Variants in ADAMTSL1 observed in about 807,000 individuals in gnomAD.
The protein encoded by ADAMTSL1 is ADAMTS like 1.
A neutral mutation model predicts 201.8 loss-of-function variants in ADAMTSL1; 126 were observed. That is an observed-to-expected ratio of 0.62 (90% CI 0.54 to 0.72). ADAMTSL1 has a LOEUF of 0.72. Ranked by LOEUF, ADAMTSL1 falls within the 30% of genes least tolerant of loss-of-function variation. The pLI, the probability that ADAMTSL1 is intolerant of heterozygous loss-of-function variation, is 0.00. For synonymous variants in ADAMTSL1, 1,121 were observed against 903.4 expected (o/e 1.24, Z -4.32); for missense variants, 2,679 against 2,277.8 (o/e 1.18, Z -3.59).
chr9:18,069,448 T>A (rs541319518), intron 1 of ADAMTSL1, among the ~76,000 whole-genome samples: 1 of 152,328 alleles, frequency 6.6e-6, no homozygotes, highest in South Asian at 2.1e-4. Context: ...ATGCAAACAC[T>A]GAAACAAAAG....
chr9:18,546,287 A>G (rs1368727666), intron 3 of ADAMTSL1, among the ~76,000 whole-genome samples: 2 of 152,104 alleles, frequency 1.3e-5, no homozygotes, highest in African/African-American at 4.8e-5. Context: ...CACAGTGGGA[A>G]GGCTAAAGAG....
At chr9:18,876,218 G>A (rs1259078877) in intron 23 of ADAMTSL1, among the ~76,000 whole-genome samples, 1 of 151,774 alleles carries the variant, frequency 6.6e-6, no homozygotes, top group Non-Finnish European at 1.5e-5. Context: ...CTTTTAAGTG[G>A]AGCATTTAAG....
At chr9:18,702,946 G>C (rs556678489) in intron 13 of ADAMTSL1, among the ~76,000 whole-genome samples, 1 of 152,068 alleles carries the variant, frequency 6.6e-6, no homozygotes, top group African/African-American at 2.4e-5. Context: ...TATCTTTATA[G>C]AGACAGGGCT....
rs186317771 is a variant in ADAMTSL1 at position 18,643,081 on chromosome 9, G to A, written c.834+3670G>A. Among the ~76,000 whole-genome samples the A allele has an allele frequency of 5.7e-4, 86 of 151,912 alleles. 1 individual carries two copies. Among genetic ancestry groups the A allele is most frequent in the Non-Finnish European group, 9.1e-4 (62 of 67,866 alleles). ...AAAGGGTTCCCTTTTCTCTACATCC[G>A]TGCCAATACTTACCTTTTGTCTTTT... is the stretch of plus-strand genomic sequence containing the variant. On this transcript the variant is annotated intron_variant, in intron 7 of 28. Coordinates refer to ENST00000380548, the MANE Select transcript of ADAMTSL1 (RefSeq NM_001040272.6).
intron 19 of ADAMTSL1, among the ~76,000 whole-genome samples, chr9:18,782,708 C>T (rs1374047404): frequency 2.0e-5 from 3 of 152,184 alleles, no homozygotes; most frequent in East Asian, 3.8e-4. Context: ...TTGGTGACCG[C>T]TTTAGATGGA....
In ADAMTSL1 at chr9:18,522,209, T is replaced by G. The variant is rs537775203; in HGVS notation, c.192-11038T>G. On this transcript the variant is annotated intron_variant, in intron 2 of 28. Coordinates refer to ENST00000380548, the MANE Select transcript of ADAMTSL1 (RefSeq NM_001040272.6). ...AACAGGTACTATGCTCACTACCTGG[T>G]GACAGGATCATCCCTAACCCATACC... Among the ~76,000 whole-genome samples, 8 of 152,238 alleles carry G rather than the reference T, an allele frequency of 5.3e-5. No homozygotes were observed. The South Asian group carries it at 1.7e-3, about 32-fold the overall frequency.
At chr9:18,519,460 G>A (rs1264243786) in intron 2 of ADAMTSL1, among the ~76,000 whole-genome samples, 1 of 152,156 alleles carries the variant, frequency 6.6e-6, no homozygotes. Flanking sequence ...TACTTCCTTT[G>A]TAAGCTATTG....
chr9:18,368,212 GC>G (rs947474058), intron 2 of ADAMTSL1, among the ~76,000 whole-genome samples: 1 of 152,160 alleles, frequency 6.6e-6, no homozygotes, highest in Non-Finnish European at 1.5e-5. Flanking sequence ...ACCGCGCCTG[GC>G]TGAGGGAGTC....
At chr9:18,336,410 T>C (rs1489526568) in intron 2 of ADAMTSL1, among the ~76,000 whole-genome samples, 1 of 151,998 alleles carries the variant, frequency 6.6e-6, no homozygotes, top group Non-Finnish European at 1.5e-5. Flanking sequence ...GTGATCTGAA[T>C]ATGTAAAGTC....
chr9:18,174,745 G>C (rs1828062494), intron 2 of ADAMTSL1, among the ~76,000 whole-genome samples: 1 of 152,124 alleles, frequency 6.6e-6, no homozygotes. Flanking sequence ...ATATTATTAA[G>C]TGATGCAATT....
At chr9:18,237,532 G>A (rs1258856155) in intron 2 of ADAMTSL1, among the ~76,000 whole-genome samples, 1 of 152,164 alleles carries the variant, frequency 6.6e-6, no homozygotes, top group Non-Finnish European at 1.5e-5. Flanking sequence ...GAGGATTTCA[G>A]AGAAAGCTCA....
chr9:18,062,435 G>GT (rs1452828668), intron 1 of ADAMTSL1, among the ~76,000 whole-genome samples: 2 of 152,078 alleles, frequency 1.3e-5, no homozygotes, highest in African/African-American at 4.8e-5. Flanking sequence ...AATATTTTAA[G>GT]TAGAATAAAA....
rs569291532 is a variant in ADAMTSL1 at position 18,369,334 on chromosome 9, A to T, written c.208-135495A>T. On this transcript the variant is annotated intron_variant, in intron 2 of 29. Coordinates refer to the ADAMTSL1 transcript ENST00000680146. ...TGGATATCACAATTGTATCTATATC[A>T]TATGATTGTTGTTAATTCAAGTGGC... Among the ~76,000 whole-genome samples, 4 of 152,322 alleles carry T rather than the reference A, an allele frequency of 2.6e-5. No individual in the cohort carries two copies. In the East Asian group the frequency reaches 7.7e-4, roughly 29 times the overall value.
At chr9:18,013,133 G>C (rs951175944) in intron 1 of ADAMTSL1, among the ~76,000 whole-genome samples, 8 of 151,766 alleles carry the variant, frequency 5.3e-5, no homozygotes, top group African/African-American at 1.9e-4. Flanking sequence ...TATTTACTGA[G>C]ACACCAAAAG....
intron 1 of ADAMTSL1, among the ~76,000 whole-genome samples, chr9:18,476,190 A>G (rs1472945698): frequency 6.6e-6 from 1 of 152,188 alleles, no homozygotes; most frequent in Non-Finnish European, 1.5e-5. Flanking sequence ...TAACAGCATT[A>G]GTAATAGCTG....
chr9:17,991,178 A>G (rs1209277256), intron 1 of ADAMTSL1, among the ~76,000 whole-genome samples: 1 of 152,130 alleles, frequency 6.6e-6, no homozygotes, highest in Non-Finnish European at 1.5e-5. Flanking sequence ...CAATATTTTG[A>G]CCTCTACTTA....
chr9:18,109,007 G>A lies in ADAMTSL1; in HGVS notation c.88-54855G>A, dbSNP rs139190441. Among the ~76,000 whole-genome samples the A allele has an allele frequency of 3.0e-3, 451 of 152,196 alleles. 4 individuals carry two copies. The highest frequency in any genetic ancestry group is 0.01 in the African/African-American group (423 of 41,528). The stretch of plus-strand genomic sequence containing the variant: ...GTAACGAATTGATAAGCATTACTCA[G>A]TGCTATAGTTTTTTTGCAACTCACC... On this transcript the variant is annotated intron_variant, in intron 1 of 29. Coordinates refer to the ADAMTSL1 transcript ENST00000680146.
chr9:18,209,550 C>G (rs538769500), intron 2 of ADAMTSL1, among the ~76,000 whole-genome samples: 5 of 152,166 alleles, frequency 3.3e-5, no homozygotes, highest in Admixed American at 1.3e-4. Context: ...AGGGAGGTCC[C>G]GATAAACTTA....
chr9:18,793,058 C>T (rs768022443), intron 19 of ADAMTSL1, among the ~76,000 whole-genome samples: 3 of 152,196 alleles, frequency 2.0e-5, no homozygotes, highest in African/African-American at 4.8e-5. Context: ...TGTTTCAGCT[C>T]TAGTTGAATG....
Sources: gnomAD v4.1 joint callset for allele counts (sites outside exome capture counted in the v4.1 genomes callset) on GRCh38, gnomAD v4.1.1 for gene constraint, MANE v1.5 for transcripts, NCBI Gene and HGNC (gene_info 2026-07-23, HGNC 2026-07-21) for gene names.